Variants in FMN1 observed in about 807,000 individuals in gnomAD.
FMN1 encodes the protein formin 1.
In FMN1, 110 loss-of-function variants were observed where a neutral mutation model predicts 132.4. The ratio of observed to expected loss-of-function variants is 0.83; its 90% CI spans 0.71 to 0.97. FMN1 has a LOEUF of 0.97. FMN1 is among the 50% of genes least tolerant of loss of function. The pLI, the probability that FMN1 is intolerant of heterozygous loss-of-function variation, is 0.00. For missense variants in FMN1, 1,792 were observed against 1,705.3 expected, an observed-to-expected ratio of 1.05 and a Z score of -0.90; for synonymous variants, 722 against 651.7, an observed-to-expected ratio of 1.11 and a Z score of -1.64.
intron 9 of FMN1, among the ~76,000 whole-genome samples, chr15:32,928,205 G>T (rs1261218142): frequency 6.6e-6 from 1 of 151,908 alleles, no homozygotes; most frequent in African/African-American, 2.4e-5. Context: ...TCATTTTTCA[G>T]TCAATATGTT....
At chr15:33,077,187 C>G (rs2038245304) in intron 5 of FMN1, among the ~76,000 whole-genome samples, 2 of 152,062 alleles carry the variant, frequency 1.3e-5, no homozygotes, top group South Asian at 4.2e-4. Context: ...TGCCACCATG[C>G]CTGGCTAATT....
At chr15:33,093,063 A>G (rs151244730) in intron 4 of FMN1, among the ~76,000 whole-genome samples, 111 of 152,380 alleles carry the variant, frequency 7.3e-4, no homozygotes, top group African/African-American at 2.6e-3. Flanking sequence ...ATACTATATA[A>G]CCAGCAGATC....
chr15:33,075,653 C>A (rs546023896), intron 5 of FMN1, among the ~76,000 whole-genome samples: 7 of 152,208 alleles, frequency 4.6e-5, no homozygotes, highest in African/African-American at 1.7e-4. Context: ...GATTTTTAAA[C>A]CAACTCAGTT....
At chr15:32,866,426 A>G (rs1235338953) in intron 16 of FMN1, among the ~76,000 whole-genome samples, 24 of 152,164 alleles carry the variant, frequency 1.6e-4, no homozygotes, top group Non-Finnish European at 2.5e-4. Context: ...GAATAGTAAA[A>G]CGCTAGCCAA....
chr15:32,790,966 G>A (rs572176429), intron 19 of FMN1, among the ~76,000 whole-genome samples: 54 of 152,310 alleles, frequency 3.5e-4, no homozygotes, highest in African/African-American at 1.2e-3. Flanking sequence ...TTTATTAAGG[G>A]AGATTTCAGA....
At chr15:33,173,534 T>A (rs895041095) in intron 3 of FMN1, among the ~76,000 whole-genome samples, 7 of 152,186 alleles carry the variant, frequency 4.6e-5, no homozygotes, top group Non-Finnish European at 8.8e-5. Flanking sequence ...GTAACCAGCA[T>A]AGCACCATTT....
intron 4 of FMN1, among the ~76,000 whole-genome samples, chr15:33,123,594 T>TG (rs1365001234): frequency 6.6e-6 from 1 of 152,122 alleles, no homozygotes; most frequent in African/African-American, 2.4e-5. Context: ...ACATATGGTA[T>TG]GGGGGTACAG....
At chr15:32,921,893 G>A (rs970447740) in intron 10 of FMN1, among the ~76,000 whole-genome samples, 1 of 151,960 alleles carries the variant, frequency 6.6e-6, no homozygotes, top group South Asian at 2.1e-4. Flanking sequence ...GGTTGGTCTC[G>A]AACTCCTGGG....
rs572730650 is a variant in FMN1, at chr15:32,969,459, C to T, written c.2242G>A (p.Ala748Thr). ...GCATGCTCGCCCCGGATATGAAATGCCCGAAGTTCAAACTGTGCCTATAGG... is the reference window on the plus strand; with the variant it reads ...GCATGCTCGCCCCGGATATGAAATGTCCGAAGTTCAAACTGTGCCTATAGG... ...ENLQAQFELR[A>T]FHIRGEHAMI... Residue 748 changes from alanine (A) to threonine (T), a missense_variant, in exon 8 of 21, where the codon GCA becomes ACA. Physicochemically the swap from Ala to Thr is moderately conservative, Grantham distance 58 (BLOSUM62 0). Coordinates refer to ENST00000616417, the MANE Select transcript of FMN1 (RefSeq NM_001277313.2). The T allele has an allele frequency of 6.3e-5, 102 of 1,613,624 alleles. 2 individuals carry two copies. In the South Asian group the frequency reaches 1.1e-3, roughly 17 times the overall value.
intron 16 of FMN1, among the ~76,000 whole-genome samples, chr15:32,865,369 C>G (rs757159771): frequency 5.3e-4 from 81 of 152,130 alleles, no homozygotes; most frequent in Non-Finnish European, 9.1e-4. Flanking sequence ...ATCTGTACTT[C>G]TTTATATAAG....
chr15:32,840,902 T>C (rs983392842), intron 17 of FMN1, among the ~76,000 whole-genome samples: 1 of 152,216 alleles, frequency 6.6e-6, no homozygotes, highest in Non-Finnish European at 1.5e-5. Context: ...TAATTGCTCA[T>C]TCCACCCTCC....
chr15:32,817,392 T>C (rs188205803), intron 17 of FMN1, among the ~76,000 whole-genome samples: 383 of 152,320 alleles, frequency 2.5e-3, no homozygotes, highest in African/African-American at 8.8e-3. Context: ...TCAAATTACT[T>C]TTTAACCCAT....
intron 4 of FMN1, among the ~76,000 whole-genome samples, chr15:33,110,248 A>T (rs965264936): frequency 1.3e-5 from 2 of 152,092 alleles, no homozygotes; most frequent in African/African-American, 4.8e-5. Flanking sequence ...GAATTAGGTA[A>T]ATAATACATA....
chr15:33,076,065 T>C (rs2038195609), intron 5 of FMN1, among the ~76,000 whole-genome samples: 1 of 151,902 alleles, frequency 6.6e-6, no homozygotes, highest in South Asian at 2.1e-4. Context: ...CAAAGTAAAA[T>C]AATGTAAAAG....
Position 32,872,038 on chromosome 15 carries a change from CTCTT to C in FMN1, c.3836-14935_3836-14932del, listed in dbSNP as rs563826677. Among the ~76,000 whole-genome samples the C allele has an allele frequency of 4.3e-3, 645 of 150,958 alleles. 3 individuals carry two copies. Among genetic ancestry groups the C allele is most frequent in the African/African-American group, 0.015 (612 of 40,804 alleles). ...GTTTGAGGCCTGTGCATGAAAGTAG[CTCTT>C]TTTTTTTTTTTTGAAAGGCCCTAAT... On this transcript the variant is annotated intron_variant, in intron 16 of 20. Transcript: ENST00000616417.
chr15:32,902,115 C>T (rs1258894389), intron 12 of FMN1, 75 bp from the exon 13 acceptor site: 1 of 1,338,510 alleles, frequency 7.5e-7, no homozygotes, highest in Non-Finnish European at 1.0e-6. Context: ...GAAAAAGACC[C>T]ACTTTGGGAA....
At chr15:32,967,232 G>T (rs892668881) in intron 8 of FMN1, among the ~76,000 whole-genome samples, 1 of 152,192 alleles carries the variant, frequency 6.6e-6, no homozygotes, top group South Asian at 2.1e-4. Flanking sequence ...TCCCGTGGTC[G>T]TGGGTGAAGG....
intron 10 of FMN1, among the ~76,000 whole-genome samples, chr15:32,918,479 A>G (rs1007286040): frequency 1.3e-5 from 2 of 152,180 alleles, no homozygotes; most frequent in Non-Finnish European, 2.9e-5. Context: ...CAAAAGGGAT[A>G]CTTATCTAAT....
intron 6 of FMN1, among the ~76,000 whole-genome samples, chr15:33,018,081 A>AT (rs978963074): frequency 6.6e-6 from 1 of 151,864 alleles, no homozygotes; most frequent in African/African-American, 2.4e-5. Flanking sequence ...AAAAAAAAAA[A>AT]AAATTTATAT....
Sources: allele counts gnomAD v4.1 joint callset (sites outside exome capture counted in the v4.1 genomes callset), GRCh38; gene constraint gnomAD v4.1.1; transcripts MANE v1.5; gene names NCBI Gene and HGNC (gene_info 2026-07-23, HGNC 2026-07-21).